The following CADM2 variants were observed in gnomAD, a reference collection of about 807,000 sequenced individuals.
CADM2 encodes the protein immunoglobulin superfamily member 4D.
In CADM2, 12 loss-of-function variants were observed where a neutral mutation model predicts 49.8. The ratio of observed to expected loss-of-function variants is 0.24; its 90% confidence interval spans 0.15 to 0.39. The LOEUF (loss-of-function observed/expected upper bound fraction) is 0.39, where lower values mean the gene tolerates loss of function less well. Ranked by LOEUF, CADM2 falls within the 10% of genes least tolerant of loss-of-function variation. The pLI is 1.00. For synonymous variants in CADM2, 214 were observed against 175.4 expected (o/e 1.22, Z -1.74); for missense variants, 378 against 492.3 (o/e 0.77, Z 2.20).
At chr3:85,766,520 C>G (rs2069663621) in intron 2 of CADM2, among the ~76,000 whole-genome samples, 1 of 152,174 alleles carries the variant, frequency 6.6e-6, no homozygotes, top group South Asian at 2.1e-4. Flanking sequence ...AGGATGGACA[C>G]TAAGTTTTCA....
At chr3:85,131,667 T>C (rs2039234062) in intron 1 of CADM2, among the ~76,000 whole-genome samples, 1 of 152,222 alleles carries the variant, frequency 6.6e-6, no homozygotes, top group Non-Finnish European at 1.5e-5. Flanking sequence ...TACCTAACCA[T>C]ATCATTTTGA....
intron 1 of CADM2, among the ~76,000 whole-genome samples, chr3:85,163,958 C>T (rs1490211608): frequency 6.6e-6 from 1 of 151,978 alleles, no homozygotes; most frequent in African/African-American, 2.4e-5. Context: ...CTCATTCCCC[C>T]CAGGCAATTA....
chr3:85,858,881 A>G (rs2075412632), intron 3 of CADM2, among the ~76,000 whole-genome samples: 1 of 152,226 alleles, frequency 6.6e-6, no homozygotes. Context: ...ATATATAGAA[A>G]AAAAGTAACA....
chr3:85,685,590 A>T (rs550113976), intron 1 of CADM2, among the ~76,000 whole-genome samples: 37 of 151,628 alleles, frequency 2.4e-4, no homozygotes, highest in Admixed American at 5.9e-4. Flanking sequence ...TGTACAATTG[A>T]ACAATTGAAA....
intron 1 of CADM2, among the ~76,000 whole-genome samples, chr3:85,507,488 C>A (rs1164747761): frequency 6.6e-6 from 1 of 152,066 alleles, no homozygotes; most frequent in Non-Finnish European, 1.5e-5. Context: ...CATGCCCGGC[C>A]TTTTTAAACG....
At chr3:84,996,104 T>C (rs1039731868) in intron 1 of CADM2, among the ~76,000 whole-genome samples, 1 of 152,180 alleles carries the variant, frequency 6.6e-6, no homozygotes, top group Non-Finnish European at 1.5e-5. Context: ...CTGCTGGGAT[T>C]GTTTAGTTCA....
At chr3:85,367,765 T>C (rs994082943) in intron 1 of CADM2, among the ~76,000 whole-genome samples, 3 of 151,830 alleles carry the variant, frequency 2.0e-5, no homozygotes, top group Admixed American at 6.6e-5. Flanking sequence ...ATAAAAGTAA[T>C]ATACCTGTCT....
intron 3 of CADM2, among the ~76,000 whole-genome samples, chr3:85,878,496 T>A (rs999110227): frequency 1.3e-5 from 2 of 152,144 alleles, no homozygotes; most frequent in African/African-American, 4.8e-5. Flanking sequence ...TGAAAATATC[T>A]AGTTTTTCCT....
intron 8 of CADM2, among the ~76,000 whole-genome samples, chr3:86,046,156 C>T (rs973099401): frequency 3.3e-5 from 5 of 152,058 alleles, no homozygotes; most frequent in African/African-American, 1.2e-4. Flanking sequence ...GATACCATAA[C>T]GTGCTGTATT....
Position 85,426,607 on chromosome 3 carries a change from C to T in CADM2, c.62-299915C>T, listed in dbSNP as rs544085914. 3.3e-5 allele frequency among the ~76,000 whole-genome samples: 5 copies of T among 152,130 alleles called. No individual in the cohort carries two copies. The South Asian group carries it at 6.2e-4, about 19-fold the overall frequency. On this transcript the variant is annotated intron_variant, in intron 1 of 9. Transcript: ENST00000383699. ...AGAATAGGGTATCCATCCCCTCAAGCATTATCTTTTGTGTCACAAACCATC... is the reference window on the plus strand; with the variant it reads ...AGAATAGGGTATCCATCCCCTCAAGTATTATCTTTTGTGTCACAAACCATC...
intron 1 of CADM2, among the ~76,000 whole-genome samples, chr3:85,475,610 A>T (rs921665580): frequency 1.3e-5 from 2 of 151,932 alleles, no homozygotes; most frequent in Non-Finnish European, 2.9e-5. Context: ...AACTATCATT[A>T]ATCTTATATA....
At chr3:85,671,772 T>C (rs144545704) in intron 1 of CADM2, among the ~76,000 whole-genome samples, 6 of 152,316 alleles carry the variant, frequency 3.9e-5, no homozygotes, top group Non-Finnish European at 8.8e-5. Flanking sequence ...CACACCTCTG[T>C]TTAAAATTTA....
At chr3:85,719,851 T>C (rs73147253) in intron 1 of CADM2, among the ~76,000 whole-genome samples, 32,182 of 151,596 alleles carry the variant, frequency 0.21, 4,199 homozygotes, top group Non-Finnish European at 0.29. Flanking sequence ...TTCAAACACA[T>C]ACAAAAACAG....
rs149267162 is a variant in CADM2, at chr3:85,654,136, A to G, written c.62-72386A>G. Among the ~76,000 whole-genome samples, 11 of 152,288 alleles carry G rather than the reference A, an allele frequency of 7.2e-5. No homozygotes were observed. The East Asian group carries it at 2.1e-3, about 29-fold the overall frequency. On this transcript the variant is annotated intron_variant, in intron 1 of 9. Transcript: ENST00000383699. ...TTGATGACTGGTTGACTAGGTAATT[A>G]TTTTGAGGCATATTTGCAGTAAATG...
At chr3:85,459,778 G>A (rs1576594593) in intron 1 of CADM2, among the ~76,000 whole-genome samples, 1 of 152,158 alleles carries the variant, frequency 6.6e-6, no homozygotes. Context: ...AGACTAAAAA[G>A]CATGTTTGTT....
At chr3:85,252,038 A>G (rs1456981679) in intron 1 of CADM2, among the ~76,000 whole-genome samples, 1 of 152,000 alleles carries the variant, frequency 6.6e-6, no homozygotes, top group African/African-American at 2.4e-5. Flanking sequence ...CCACAAGGCC[A>G]GCATTTCCCA....
rs186866579 is a variant in CADM2 at position 85,187,758 on chromosome 3, A to C, written c.61+228090A>C. On this transcript the variant is annotated intron_variant, in intron 1 of 9. Coordinates refer to ENST00000383699, the MANE Select transcript of CADM2 (RefSeq NM_001167675.2). ...TCTTTAAAAAAGGCACTTTTTCTTC[A>C]ATTCTCTGTAGACTTTGAGAGTTTC... Among the ~76,000 whole-genome samples, 314 of 152,170 alleles carry C rather than the reference A, an allele frequency of 2.1e-3. 1 individual carries two copies. The highest frequency in any genetic ancestry group is 7.1e-3 in the African/African-American group (297 of 41,582).
intron 2 of CADM2, among the ~76,000 whole-genome samples, chr3:85,760,768 A>T (rs2069335179): frequency 6.6e-6 from 1 of 152,160 alleles, no homozygotes; most frequent in Admixed American, 6.6e-5. Context: ...TATTGAAATC[A>T]ATTTTCTTAA....
chr3:86,064,959 C>T (rs1739139661), intron 8 of CADM2, among the ~76,000 whole-genome samples: 2 of 152,154 alleles, frequency 1.3e-5, no homozygotes, highest in Admixed American at 6.5e-5. Flanking sequence ...CCTGCTTTCC[C>T]GCCAAAATAC....
Sources: gnomAD v4.1 joint callset for allele counts (sites outside exome capture counted in the v4.1 genomes callset) on GRCh38, gnomAD v4.1.1 for gene constraint, MANE v1.5 for transcripts, NCBI Gene and HGNC (gene_info 2026-07-23, HGNC 2026-07-21) for gene names.